Variants in PTPN21 observed in about 807,000 individuals in gnomAD.
The protein encoded by PTPN21 is protein tyrosine phosphatase non-receptor type 21, also known as tyrosine-protein phosphatase non-receptor type 21.
PTPN21 carries 77 observed loss-of-function variants against 131.8 expected under a neutral mutation model. The ratio of observed to expected loss-of-function variants is 0.58; its 90% confidence interval spans 0.49 to 0.71. The LOEUF (loss-of-function observed/expected upper bound fraction) is 0.71, where lower values mean the gene tolerates loss of function less well. Ranked by LOEUF, PTPN21 falls within the 30% of genes least tolerant of loss-of-function variation. PTPN21 has a pLI of 0.00. For missense variants in PTPN21, 1,552 were observed against 1,527.1 expected (o/e 1.02, Z -0.27); for synonymous variants, 715 against 621.3 (o/e 1.15, Z -2.24).
intron 2 of PTPN21, among the ~76,000 whole-genome samples, chr14:88,517,856 T>C (rs1026977265): frequency 6.8e-6 from 1 of 147,254 alleles, no homozygotes; most frequent in Non-Finnish European, 1.5e-5. Context: ...ATATGGTATA[T>C]ATATGTGTAT....
chr14:88,548,572 T>C (rs1338357678), intron 2 of PTPN21, among the ~76,000 whole-genome samples: 1 of 152,186 alleles, frequency 6.6e-6, no homozygotes, highest in East Asian at 1.9e-4. Flanking sequence ...GTTTTCTTAC[T>C]GGCAACAACA....
chr14:88,519,355 C>T (rs1040953425), intron 2 of PTPN21, among the ~76,000 whole-genome samples: 8 of 152,112 alleles, frequency 5.3e-5, no homozygotes, highest in Non-Finnish European at 1.0e-4. Context: ...CTGCACTGTC[C>T]AATAAAGCAG....
At position 88,538,003 on chromosome 14, in the gene PTPN21, C is replaced by A. The variant is rs1351357202; in HGVS notation, c.180+12235G>T. 2.6e-5 allele frequency among the ~76,000 whole-genome samples: 4 copies of A among 152,154 alleles called. 1 individual carries two copies. The highest frequency in any genetic ancestry group is 1.3e-4 in the Admixed American group (2 of 15,276). ...TTTTATGGGACCACCATCTTATAAG[C>A]AGTCTGTCATTGACCAAAAATGTGA... On this transcript the variant is annotated intron_variant, in intron 2 of 18. Transcript: ENST00000556564.
In PTPN21 at chr14:88,485,108, C is replaced by T. The variant is rs2077713387; in HGVS notation, c.1046G>A (p.Gly349Glu). Residue 349 changes from glycine (G) to glutamate (E), a missense_variant, in exon 12 of 19, where the codon GGA becomes GAA. Physicochemically the swap from Gly to Glu is moderately conservative, Grantham distance 98. Coordinates refer to ENST00000556564, the MANE Select transcript of PTPN21 (RefSeq NM_007039.4). The part of the protein sequence containing the change: ...MPPPPQLHYN[G>E]HYTEPYASSQ... ...AGAAGCATATGGTTCTGTATAATGT[C>T]CATTATAGTGCAACTGCGGTGGGGG... 2 of 1,607,970 alleles carry T rather than the reference C, an allele frequency of 1.2e-6. No individual in the cohort carries two copies.
chr14:88,479,483 G>A lies in PTPN21; in HGVS notation c.1948C>T (p.Leu650=). 4 of 1,601,712 alleles carry A rather than the reference G, an allele frequency of 2.5e-6. No homozygotes were observed. Among genetic ancestry groups the A allele is most frequent in the Non-Finnish European group, 3.4e-6 (4 of 1,179,116 alleles). Residue 650 remains leucine (L), a synonymous_variant, in exon 13 of 19, where the codon CTG becomes TTG. Coordinates refer to ENST00000556564, the MANE Select transcript of PTPN21 (RefSeq NM_007039.4). ...GATAGGGTGCGCTCCTTGAGCCGCAGGCCCTCCAGGCCGTGGCTGAGCCCG... is the reference window on the plus strand; with the variant it reads ...GATAGGGTGCGCTCCTTGAGCCGCAAGCCCTCCAGGCCGTGGCTGAGCCCG... The part of the protein sequence containing the change: ...VAGLSHGLEG[L]RLKERTLSAS...
At chr14:88,489,086 T>C (rs1728919121) in intron 10 of PTPN21, among the ~76,000 whole-genome samples, 4 of 152,142 alleles carry the variant, frequency 2.6e-5, no homozygotes, top group Admixed American at 2.6e-4. Context: ...TGTATGTGTC[T>C]AACAATCATG....
intron 6 of PTPN21, among the ~76,000 whole-genome samples, chr14:88,503,538 C>A (rs894349264): frequency 6.6e-6 from 1 of 152,128 alleles, no homozygotes; most frequent in Non-Finnish European, 1.5e-5. Context: ...CGAGGACCCA[C>A]GCAACTATTC....
At chr14:88,551,278 TCTC>T (rs1275616546) in intron 1 of PTPN21, 3 of 152,218 alleles carry the variant, frequency 2.0e-5, no homozygotes, top group Admixed American at 2.0e-4. Flanking sequence ...CCCCGGCCCC[TCTC>T]CAGGGTGGGG....
intron 3 of PTPN21, among the ~76,000 whole-genome samples, chr14:88,512,103 T>C (rs558325196): frequency 8.0e-4 from 122 of 152,318 alleles, no homozygotes; most frequent in African/African-American, 2.8e-3. Flanking sequence ...CTTATCATGG[T>C]GCCTCACCCA....
Position 88,466,066 on chromosome 14 carries a change from C to T in PTPN21, c.*2071G>A, listed in dbSNP as rs1171955935. 6.6e-6 allele frequency: 1 copy of T among 150,602 alleles called. No homozygotes were observed. The highest frequency in any genetic ancestry group is 1.5e-5 in the Non-Finnish European group (1 of 67,826). 9.3% of individuals were successfully genotyped at this position (150,602 alleles called of 1,614,324 possible). A position where few individuals can be genotyped will look rare whatever the true frequency, so the allele number is the denominator to read the frequency against. Reference sequence around the variant, plus strand: ...GAAAAGCATTTTCACAAAAACGTACCATGGAGAGGGAGGGGGAGGGGAAGA... The same window carrying T: ...GAAAAGCATTTTCACAAAAACGTACTATGGAGAGGGAGGGGGAGGGGAAGA... On this transcript the variant is annotated 3_prime_UTR_variant, in exon 19 of 19. Coordinates refer to ENST00000556564, the MANE Select transcript of PTPN21 (RefSeq NM_007039.4).
Position 88,554,886 on chromosome 14 carries a change from G to A in PTPN21, c.-438C>T, listed in dbSNP as rs575345839. Among the ~76,000 whole-genome samples the A allele has an allele frequency of 6.6e-6, 1 of 151,648 alleles. No individual in the cohort carries two copies. The highest frequency in any genetic ancestry group is 2.4e-5 in the African/African-American group (1 of 41,410). On this transcript the variant is annotated 5_prime_UTR_variant, in exon 1 of 19. Transcript: ENST00000556564. ...AGGGGCGAGGCCTGGAGGTGGGACC[G>A]GCCGGCGAGGAGCGCCGCACAAAGA...
chr14:88,522,238 C>A lies in PTPN21; in HGVS notation c.181-4977G>T, dbSNP rs138049220. On this transcript the variant is annotated intron_variant, in intron 2 of 18. Transcript: ENST00000556564. Reference sequence around the variant, plus strand: ...GGTCAGGAGTTCGAGACTGGCCTGGCCAACATGGTGAAACTCCATCTCTAC... The same window carrying A: ...GGTCAGGAGTTCGAGACTGGCCTGGACAACATGGTGAAACTCCATCTCTAC... 3.0e-3 allele frequency among the ~76,000 whole-genome samples: 450 copies of A among 151,614 alleles called. 3 individuals carry two copies. The highest frequency in any genetic ancestry group is 0.011 in the African/African-American group (436 of 41,330).
At chr14:88,497,503 CTCACGCCTGTAA>C (rs1380261246) in intron 8 of PTPN21, among the ~76,000 whole-genome samples, 1 of 152,084 alleles carries the variant, frequency 6.6e-6, no homozygotes, top group East Asian at 1.9e-4. Flanking sequence ...GGCGCAGTGG[CTCACGCCTGTAA>C]TCTCAGCACT....
chr14:88,518,331 CAT>C lies in PTPN21; in HGVS notation c.181-1072_181-1071del, dbSNP rs1178239300. Among the ~76,000 whole-genome samples, 198 of 88,488 alleles carry C rather than the reference CAT, an allele frequency of 2.2e-3. 3 individuals carry two copies. The highest frequency in any genetic ancestry group is 6.8e-3 in the African/African-American group (164 of 23,994). The allele number at this position is 88,488 out of a possible 152,430, so 58.1% of individuals were successfully genotyped here. A position where few individuals can be genotyped will look rare whatever the true frequency, so the allele number is the denominator to read the frequency against. ...ATGTGTATATATACGTATATATACACATATATGTGTATAAGTGTATATATACA... is the reference window on the plus strand; with the variant it reads ...ATGTGTATATATACGTATATATACACATATGTGTATAAGTGTATATATACA... On this transcript the variant is annotated intron_variant, in intron 2 of 18. Transcript: ENST00000556564.
At chr14:88,515,157 A>C (rs894699830) in intron 3 of PTPN21, 3 of 152,186 alleles carry the variant, frequency 2.0e-5, no homozygotes, top group African/African-American at 7.2e-5. Context: ...AAGCTCTGCA[A>C]GGCTGACTTC....
At chr14:88,484,131 C>T (rs1053585390) in intron 12 of PTPN21, among the ~76,000 whole-genome samples, 1 of 151,612 alleles carries the variant, frequency 6.6e-6, no homozygotes, top group Non-Finnish European at 1.5e-5. Context: ...GCAACCTCCA[C>T]CCCCACCTTG....
rs139194225 is a variant in PTPN21 at position 88,479,409 on chromosome 14, C to T, written c.2022G>A (p.Gln674=). Residue 674 remains glutamine (Q), a synonymous_variant, in exon 13 of 19, where the codon CAG becomes CAA. Coordinates refer to ENST00000556564, the MANE Select transcript of PTPN21 (RefSeq NM_007039.4). ...GTGTCCTCTCGGTGAAAACGCTGGG[C>T]TGGGAGCCCACCGAGACGGCTCGCG... The part of the protein sequence containing the change: ...VAPRAVSVGS[Q]PSVFTERTQR... 1.3e-4 allele frequency: 207 copies of T among 1,603,476 alleles called. No individual in the cohort carries two copies. Among genetic ancestry groups the T allele is most frequent in the Non-Finnish European group, 1.7e-4 (201 of 1,178,870 alleles).
intron 2 of PTPN21, among the ~76,000 whole-genome samples, chr14:88,536,232 C>T (rs534060620): frequency 2.4e-4 from 36 of 152,298 alleles, no homozygotes; most frequent in Non-Finnish European, 1.5e-5. Flanking sequence ...TTCTCCCTTC[C>T]TTTCCTATTT....
intron 2 of PTPN21, among the ~76,000 whole-genome samples, chr14:88,533,276 T>C (rs1201134734): frequency 2.0e-5 from 3 of 152,190 alleles, no homozygotes; most frequent in African/African-American, 7.2e-5. Flanking sequence ...TAGAAGCTAA[T>C]TACAGTCACG....
Sources: gnomAD v4.1 joint callset for allele counts (sites outside exome capture counted in the v4.1 genomes callset) on GRCh38, gnomAD v4.1.1 for gene constraint, MANE v1.5 for transcripts, NCBI Gene and HGNC (gene_info 2026-07-23, HGNC 2026-07-21) for gene names.